The following TMEM92 variants were observed in gnomAD, a reference collection of about 807,000 sequenced individuals.
The protein encoded by TMEM92 is transmembrane protein 92.
TMEM92 carries 15 observed loss-of-function variants against 14.6 expected under a neutral mutation model. That is an observed-to-expected ratio of 1.03 (90% CI 0.69 to 1.58). TMEM92 has a LOEUF of 1.58. Ranked by LOEUF, TMEM92 falls within the 40% of genes most tolerant of loss-of-function variation. The pLI is 0.00. For missense variants in TMEM92, 174 were observed against 202.4 expected, an observed-to-expected ratio of 0.86 and a Z score of 0.85; for synonymous variants, 85 against 83.3, an observed-to-expected ratio of 1.02 and a Z score of -0.11.
rs1017102807 is a variant in TMEM92, at chr17:50,279,525, C to T, written c.*217C>T. 2 of 517,840 alleles carry T rather than the reference C, an allele frequency of 3.9e-6. No homozygotes were observed. Among genetic ancestry groups the T allele is most frequent in the Admixed American group, 3.7e-5 (1 of 27,262 alleles). 32.1% of individuals were successfully genotyped at this position (517,840 alleles called of 1,614,324 possible). A position where few individuals can be genotyped will look rare whatever the true frequency, so the allele number is the denominator to read the frequency against. On this transcript the variant is annotated 3_prime_UTR_variant, in exon 5 of 5. Transcript: ENST00000507382. ...CTGGAGTGACAGTTTCCGCCCACCC[C>T]CCAGCCCAAGAAAGAGGCTGCCGGA...
At chr17:50,276,345 C>T (rs1047533766) in intron 1 of TMEM92, among the ~76,000 whole-genome samples, 2 of 152,114 alleles carry the variant, frequency 1.3e-5, no homozygotes, top group African/African-American at 4.8e-5. Context: ...CTCACCCTTT[C>T]TGGGCCAACC....
chr17:50,278,498 GC>G, intron 2 of TMEM92, 57 bp from the exon 3 acceptor site: 1 of 1,595,240 alleles, frequency 6.3e-7, no homozygotes, highest in Non-Finnish European at 8.6e-7. Flanking sequence ...GGATCCTTCT[GC>G]CTCTCCATTC....
chr17:50,278,942 C>T lies in TMEM92; in HGVS notation c.312C>T (p.Ile104=). The part of the protein sequence containing the change: ...CRGPLELPSI[I]PPERVRVSLS... The stretch of plus-strand genomic sequence containing the variant: ...GGCCCCTGGAACTGCCCTCCATCAT[C>T]CCCCCAGAGAGGGTCAGAGTATCCC... The change falls in exon 4 of 5, where the codon ATC becomes ATT. Residue 104 remains isoleucine (I), a synonymous_variant. Coordinates refer to ENST00000507382, the MANE Select transcript of TMEM92 (RefSeq NM_153229.3). The T allele has an allele frequency of 1.2e-6, 2 of 1,613,318 alleles. No individual in the cohort carries two copies. Among genetic ancestry groups the T allele is most frequent in the Non-Finnish European group, 1.7e-6 (2 of 1,179,496 alleles).
At chr17:50,278,031 A>G (rs1910486147) in intron 2 of TMEM92, among the ~76,000 whole-genome samples, 1 of 152,186 alleles carries the variant, frequency 6.6e-6, no homozygotes, top group Admixed American at 6.5e-5. Flanking sequence ...GGTCGGAGGC[A>G]GGGGGCTAAC....
At chr17:50,275,898 G>C (rs1910415226) in intron 1 of TMEM92, among the ~76,000 whole-genome samples, 1 of 152,122 alleles carries the variant, frequency 6.6e-6, no homozygotes. Context: ...CCAGCACTTT[G>C]AGAGGCCGAG....
intron 1 of TMEM92, among the ~76,000 whole-genome samples, chr17:50,276,834 A>G (rs896517711): frequency 1.3e-5 from 2 of 152,242 alleles, no homozygotes. Flanking sequence ...TAACAAGATA[A>G]AGTAAATATA....
intron 1 of TMEM92, among the ~76,000 whole-genome samples, chr17:50,276,112 C>T (rs937585127): frequency 2.8e-4 from 43 of 151,694 alleles, no homozygotes; most frequent in African/African-American, 1.0e-3. Context: ...GCCTGGGCAA[C>T]AGAGCTAGAC....
At position 50,277,638 on chromosome 17, in the gene TMEM92, C is replaced by G. The variant is rs73987470; in HGVS notation, c.70-77C>G. The G allele has an allele frequency of 6.5e-3, 10,159 of 1,566,146 alleles. 531 individuals are homozygous for G. The African/African-American group carries it at 0.12, about 18-fold the overall frequency. On this transcript the variant is annotated intron_variant, in intron 1 of 4. Coordinates refer to ENST00000507382, the MANE Select transcript of TMEM92 (RefSeq NM_153229.3). ...ACCTGCTGCCTGTGAGGTACCTGGG[C>G]AGCATCTGAGTGGAGACCCTACCCC...
rs945496448 is a variant in TMEM92 at position 50,280,379 on chromosome 17, G to C, written c.*1071G>C. ...CCACCCTTCTCTACCAGCCCCGCTC[G>C]CTCGTGGGAGTTAACCCCCTAGGGG... On this transcript the variant is annotated 3_prime_UTR_variant, in exon 5 of 5. Transcript: ENST00000507382. 1 of 152,236 alleles carries C rather than the reference G, an allele frequency of 6.6e-6. No homozygotes were observed. The highest frequency in any genetic ancestry group is 1.5e-5 in the Non-Finnish European group (1 of 68,066). The allele number at this position is 152,236 out of a possible 1,614,324, so 9.4% of individuals were successfully genotyped here.
chr17:50,274,564 C>G lies in TMEM92; in HGVS notation c.63C>G (p.Pro21=), dbSNP rs1217137966. 1.2e-5 allele frequency: 20 copies of G among 1,613,520 alleles called. No individual in the cohort carries two copies. The highest frequency in any genetic ancestry group is 1.6e-5 in the Non-Finnish European group (19 of 1,179,784). ...TGCTGTTCAGCCTGCTGGCTGGCCC[C>G]CAAAAGGTGAGACTGGGAGGTAAGG... ...PTLLFSLLAG[P]QKIAAKCGLI... Residue 21 remains proline (P), a synonymous_variant, in exon 1 of 5, where the codon CCC becomes CCG. Coordinates refer to ENST00000507382, the MANE Select transcript of TMEM92 (RefSeq NM_153229.3).
chr17:50,273,933 C>T (rs546364402), upstream of TMEM92, among the ~76,000 whole-genome samples: 1 of 152,216 alleles, frequency 6.6e-6, no homozygotes, highest in Non-Finnish European at 1.5e-5. Flanking sequence ...CCCAGCTCAG[C>T]GGTGTGGAGT....
chr17:50,276,210 G>A (rs1168134708), intron 1 of TMEM92, among the ~76,000 whole-genome samples: 1 of 152,090 alleles, frequency 6.6e-6, no homozygotes, highest in Non-Finnish European at 1.5e-5. Flanking sequence ...TTAAACTCCC[G>A]GCCTCAAGCA....
upstream of TMEM92, among the ~76,000 whole-genome samples, chr17:50,273,995 TA>T (rs1910334563): frequency 6.9e-6 from 1 of 145,308 alleles, no homozygotes; most frequent in Admixed American, 7.0e-5. Context: ...TTTATTTATT[TA>T]GAGATGGAGT....
At chr17:50,271,795 T>C (rs1011284552), upstream of TMEM92, among the ~76,000 whole-genome samples, 1 of 152,110 alleles carries the variant, frequency 6.6e-6, no homozygotes, top group South Asian at 2.1e-4. Context: ...TCCCAACACT[T>C]TGGGAGGCCA....
chr17:50,274,437 A>C, upstream of TMEM92: 1 of 1,569,660 alleles, frequency 6.4e-7, no homozygotes, highest in South Asian at 1.1e-5. Flanking sequence ...ATAGGTGGAG[A>C]GAAGTGGGAG....
At chr17:50,276,140 A>G (rs1484393420) in intron 1 of TMEM92, among the ~76,000 whole-genome samples, 1 of 152,138 alleles carries the variant, frequency 6.6e-6, no homozygotes, top group Admixed American at 6.6e-5. Flanking sequence ...CCAAAAAGAA[A>G]AAAAAAGAAA....
upstream of TMEM92, among the ~76,000 whole-genome samples, chr17:50,273,369 G>A (rs373133868): frequency 5.7e-3 from 861 of 152,280 alleles, 5 homozygotes; most frequent in African/African-American, 0.019. Context: ...AGTGCTGGAG[G>A]CGGCGGCCGC....
At chr17:50,277,296 G>A (rs187669004) in intron 1 of TMEM92, among the ~76,000 whole-genome samples, 5 of 152,296 alleles carry the variant, frequency 3.3e-5, no homozygotes, top group South Asian at 2.1e-4. Context: ...GGGAGCCACC[G>A]AAGGGGGCTT....
At chr17:50,276,749 A>C (rs1354307431) in intron 1 of TMEM92, among the ~76,000 whole-genome samples, 1 of 152,218 alleles carries the variant, frequency 6.6e-6, no homozygotes, top group East Asian at 1.9e-4. Flanking sequence ...TATTTTGACT[A>C]CTGGGTTTTC....
Sources: gnomAD v4.1 joint callset for allele counts (sites outside exome capture counted in the v4.1 genomes callset) on GRCh38, gnomAD v4.1.1 for gene constraint, MANE v1.5 for transcripts, NCBI Gene and HGNC (gene_info 2026-07-23, HGNC 2026-07-21) for gene names.